The following CDH18 variants were observed in gnomAD, a reference collection of about 807,000 sequenced individuals.
CDH18 encodes cadherin 18.
Under a neutral mutation model 67.9 loss-of-function variants are expected in CDH18, and 31 were observed. The ratio of observed to expected loss-of-function variants is 0.46; its 90% CI spans 0.34 to 0.62. The LOEUF is 0.62. Among genes scored for constraint, CDH18 ranks in the 20% least tolerant of loss-of-function variants. CDH18 has a pLI of 0.01. For synonymous variants in CDH18, 362 were observed against 347.2 expected (o/e 1.04, Z -0.48); for missense variants, 890 against 975.5 (o/e 0.91, Z 1.17).
chr5:20,000,090 CA>C (rs67668971), intron 2 of CDH18, among the ~76,000 whole-genome samples: 5,290 of 152,026 alleles, frequency 0.035, 305 homozygotes, highest in African/African-American at 0.12. Flanking sequence ...GGGTGGGAGG[CA>C]GTAGGAAAAG....
intron 7 of CDH18, among the ~76,000 whole-genome samples, chr5:19,587,447 C>A (rs1354426305): frequency 6.6e-6 from 1 of 151,994 alleles, no homozygotes; most frequent in Non-Finnish European, 1.5e-5. Context: ...GTCTTTAATG[C>A]ATGTTGAATT....
At chr5:20,373,597 T>G (rs1333707416) in intron 1 of CDH18, among the ~76,000 whole-genome samples, 1 of 152,016 alleles carries the variant, frequency 6.6e-6, no homozygotes, top group Admixed American at 6.6e-5. Context: ...TACATTGGTT[T>G]TCAAAGCATT....
At chr5:19,504,444 T>C (rs1244870176) in intron 10 of CDH18, among the ~76,000 whole-genome samples, 1 of 152,004 alleles carries the variant, frequency 6.6e-6, no homozygotes, top group Non-Finnish European at 1.5e-5. Context: ...ACAACTAGTC[T>C]CTGGGTAGAT....
chr5:19,563,955 G>T (rs200857068), intron 8 of CDH18, among the ~76,000 whole-genome samples: 7 of 152,176 alleles, frequency 4.6e-5, no homozygotes, highest in African/African-American at 1.4e-4. Flanking sequence ...TGCATTGGAA[G>T]TCACTACTTC....
intron 3 of CDH18, among the ~76,000 whole-genome samples, chr5:19,810,771 C>G (rs935807202): frequency 6.6e-6 from 1 of 151,990 alleles, no homozygotes; most frequent in Non-Finnish European, 1.5e-5. Context: ...ACTTGTAATC[C>G]TAGCACTTTG....
chr5:19,516,024 T>C (rs1745930907), intron 10 of CDH18, among the ~76,000 whole-genome samples: 1 of 152,178 alleles, frequency 6.6e-6, no homozygotes, highest in Non-Finnish European at 1.5e-5. Flanking sequence ...ATACATTCCA[T>C]CAATACCTAG....
chr5:19,567,751 G>C (rs1257270060), intron 8 of CDH18, among the ~76,000 whole-genome samples: 1 of 152,070 alleles, frequency 6.6e-6, no homozygotes, highest in South Asian at 2.1e-4. Flanking sequence ...CCAAAACAAA[G>C]CAGAAAGAAT....
chr5:20,532,928 G>A (rs10075292), intron 1 of CDH18, among the ~76,000 whole-genome samples: 1 of 149,874 alleles, frequency 6.7e-6, no homozygotes, highest in African/African-American at 2.5e-5. Context: ...AAACTCCCTC[G>A]TACAGTTTGA....
At chr5:19,850,362 A>G (rs1006792471) in intron 2 of CDH18, among the ~76,000 whole-genome samples, 1 of 151,918 alleles carries the variant, frequency 6.6e-6, no homozygotes, top group Non-Finnish European at 1.5e-5. Context: ...ATTATAAAGT[A>G]AATGTATGCA....
At chr5:19,948,766 G>A (rs1795512026) in intron 2 of CDH18, among the ~76,000 whole-genome samples, 1 of 152,134 alleles carries the variant, frequency 6.6e-6, no homozygotes, top group Admixed American at 6.6e-5. Flanking sequence ...TATTGTGGGA[G>A]AAAGAATGGA....
intron 7 of CDH18, among the ~76,000 whole-genome samples, chr5:19,581,625 T>A (rs1743270448): frequency 6.6e-6 from 1 of 152,022 alleles, no homozygotes; most frequent in Admixed American, 6.6e-5. Flanking sequence ...CTTTGTCTGA[T>A]TCCTATGCTT....
chr5:19,777,502 A>AGGG (rs1774533696), intron 3 of CDH18, among the ~76,000 whole-genome samples: 1 of 152,134 alleles, frequency 6.6e-6, no homozygotes, highest in African/African-American at 2.4e-5. Flanking sequence ...CAACCAACAG[A>AGGG]AGAAAGATTC....
intron 12 of CDH18, among the ~76,000 whole-genome samples, chr5:19,474,538 A>T (rs996478540): frequency 1.3e-5 from 2 of 152,074 alleles, no homozygotes; most frequent in African/African-American, 4.8e-5. Context: ...TTAATGTTCC[A>T]ATAATGGAAC....
intron 1 of CDH18, chr5:20,304,452 T>G: frequency 6.6e-7 from 1 of 1,520,802 alleles, no homozygotes; most frequent in Non-Finnish European, 9.1e-7. Flanking sequence ...TCTCCACCTT[T>G]GCATTCACCA....
Position 20,480,078 on chromosome 5 carries a change from A to G in CDH18, c.-580+95384T>C, listed in dbSNP as rs566129986. 5.9e-5 allele frequency among the ~76,000 whole-genome samples: 9 copies of G among 152,314 alleles called. No homozygotes were observed. The East Asian group carries it at 1.7e-3, about 29-fold the overall frequency. On this transcript the variant is annotated intron_variant, in intron 1 of 14. Transcript: ENST00000507958. ...GAAAGAGAAATAAAGACTTTATCAG[A>G]CAAATGAAAGCTAATGGATGTCATC...
In CDH18 at chr5:20,516,587, G is replaced by A. The variant is rs149569530; in HGVS notation, c.-580+58875C>T. Among the ~76,000 whole-genome samples the A allele has an allele frequency of 7.9e-5, 12 of 151,924 alleles. No homozygotes were observed. The East Asian group carries it at 1.9e-3, about 24-fold the overall frequency. Reference sequence around the variant, plus strand: ...TGCAAGCAGTATCTGGGATAAGAATGCAGCACAGAGAAATTAGAAAAAGTA... The same window carrying A: ...TGCAAGCAGTATCTGGGATAAGAATACAGCACAGAGAAATTAGAAAAAGTA... On this transcript the variant is annotated intron_variant, in intron 1 of 14. Transcript: ENST00000507958.
At chr5:20,437,444 T>C (rs756026561) in intron 1 of CDH18, among the ~76,000 whole-genome samples, 2 of 151,452 alleles carry the variant, frequency 1.3e-5, no homozygotes, top group Non-Finnish European at 3.0e-5. Context: ...ATGAATAATT[T>C]ATGCCTAGAG....
chr5:20,302,957 C>T (rs2149971164), intron 1 of CDH18, among the ~76,000 whole-genome samples: 1 of 152,184 alleles, frequency 6.6e-6, no homozygotes, highest in East Asian at 1.9e-4. Flanking sequence ...GTGCATAACC[C>T]TGGCTCCCTT....
chr5:20,573,608 TAATAC>T (rs1393718822), intron 1 of CDH18, among the ~76,000 whole-genome samples: 1 of 150,934 alleles, frequency 6.6e-6, no homozygotes, highest in East Asian at 1.9e-4. Flanking sequence ...TTAAAAGCAA[TAATAC>T]AATTATTAAA....
Sources: gnomAD v4.1 joint callset for allele counts (sites outside exome capture counted in the v4.1 genomes callset) on GRCh38, gnomAD v4.1.1 for gene constraint, MANE v1.5 for transcripts, NCBI Gene and HGNC (gene_info 2026-07-23, HGNC 2026-07-21) for gene names.